The following PCDHA1 variants were observed in gnomAD, a reference collection of about 807,000 sequenced individuals.
PCDHA1 encodes protocadherin alpha 1, also known as protocadherin alpha-1.
PCDHA1 carries 42 observed loss-of-function variants against 61.3 expected under a neutral mutation model. That is an observed-to-expected ratio of 0.69 (90% CI 0.54 to 0.89). PCDHA1 has a LOEUF of 0.89. PCDHA1 is among the 40% of genes least tolerant of loss of function. PCDHA1 has a pLI of 0.00. For synonymous variants in PCDHA1, 610 were observed against 553.8 expected (o/e 1.10, Z -1.43); for missense variants, 1,256 against 1,235.3 (o/e 1.02, Z -0.25).
intron 1 of PCDHA1, among the ~76,000 whole-genome samples, chr5:140,889,804 G>A (rs940898112): frequency 1.3e-5 from 2 of 152,112 alleles, no homozygotes; most frequent in African/African-American, 2.4e-5. Context: ...TGGGATTTAT[G>A]AAGTCAGGTC....
intron 3 of PCDHA1, among the ~76,000 whole-genome samples, chr5:140,996,540 T>C (rs2097730922): frequency 1.3e-5 from 2 of 152,218 alleles, no homozygotes. Flanking sequence ...TGTTTTGATA[T>C]TATGCTGTCA....
intron 1 of PCDHA1, chr5:140,866,167 CAT>C (rs1328596564): frequency 7.9e-5 from 12 of 152,072 alleles, no homozygotes; most frequent in African/African-American, 2.9e-4. Flanking sequence ...AATCGTTTAA[CAT>C]GTAAGAAAAG....
chr5:140,846,028 T>C (rs1415683647), intron 1 of PCDHA1, among the ~76,000 whole-genome samples: 1 of 149,754 alleles, frequency 6.7e-6, no homozygotes, highest in Non-Finnish European at 1.5e-5. Flanking sequence ...ATTACGAGTT[T>C]AGGAAAGTCA....
At chr5:140,842,234 C>T (rs2150332362) in intron 1 of PCDHA1, 8 of 1,612,528 alleles carry the variant, frequency 5.0e-6, no homozygotes, top group Admixed American at 1.7e-5. Context: ...AATAGTGATT[C>T]GGGGTAATTT....
At chr5:140,902,560 G>T (rs558432897) in intron 1 of PCDHA1, among the ~76,000 whole-genome samples, 9 of 152,072 alleles carry the variant, frequency 5.9e-5, no homozygotes, top group Non-Finnish European at 1.2e-4. Flanking sequence ...CCAGATTTTT[G>T]AGGGTTTTTA....
At chr5:140,875,830 G>T in intron 1 of PCDHA1, 1 of 1,614,226 alleles carries the variant, frequency 6.2e-7, no homozygotes, top group South Asian at 1.1e-5. Context: ...TTTCCATGTG[G>T]ACGTGGAGGT....
intron 1 of PCDHA1, among the ~76,000 whole-genome samples, chr5:140,855,465 T>G (rs1363813881): frequency 2.0e-5 from 3 of 149,888 alleles, no homozygotes; most frequent in South Asian, 2.1e-4. Context: ...ACCTCACAGA[T>G]AGTTGATGCT....
chr5:140,806,949 T>G, intron 1 of PCDHA1: 1 of 585,050 alleles, frequency 1.7e-6, no homozygotes, highest in Non-Finnish European at 3.0e-6. Flanking sequence ...GTAGAGTGTG[T>G]GGGGGTTTCC....
At chr5:140,880,493 T>C (rs910431574) in intron 1 of PCDHA1, among the ~76,000 whole-genome samples, 31 of 152,204 alleles carry the variant, frequency 2.0e-4, no homozygotes, top group African/African-American at 7.2e-4. Context: ...AAGAGAGCAA[T>C]TGAATTTCTG....
intron 1 of PCDHA1, chr5:140,968,901 T>A (rs1321022294): frequency 6.2e-7 from 1 of 1,614,106 alleles, no homozygotes; most frequent in Non-Finnish European, 8.5e-7. Flanking sequence ...ATAATAGCAT[T>A]AAGCACAGTG....
intron 1 of PCDHA1, chr5:140,863,494 C>A (rs1203332871): frequency 2.3e-5 from 10 of 442,506 alleles, no homozygotes; most frequent in African/African-American, 1.6e-4. Context: ...GTCAACATTA[C>A]GGCTTTTAGT....
In PCDHA1 at chr5:140,959,152, A is replaced by C. The variant is rs182353196; in HGVS notation, c.2395-19797A>C. 1.3e-4 allele frequency among the ~76,000 whole-genome samples: 20 copies of C among 152,108 alleles called. No individual in the cohort carries two copies. The East Asian group carries it at 3.9e-3, about 30-fold the overall frequency. ...CCCACTTTGGGAGGCCAAAGTGGGC[A>C]GATTGCTTGACCCCAGGAGTTCAGG... On this transcript the variant is annotated intron_variant, in intron 1 of 3. Coordinates refer to ENST00000504120, the MANE Select transcript of PCDHA1 (RefSeq NM_018900.4).
chr5:140,836,708 C>T (rs1774690824), intron 1 of PCDHA1: 1 of 1,613,072 alleles, frequency 6.2e-7, no homozygotes, highest in Non-Finnish European at 8.5e-7. Flanking sequence ...TCAGTCCCAG[C>T]CTTCCTCAGG....
rs77308266 is a variant in PCDHA1 at position 140,916,313 on chromosome 5, A to C, written c.2395-62636A>C. On this transcript the variant is annotated intron_variant, in intron 1 of 3. Transcript: ENST00000504120. ...GCCAAACTGGTACCAAAGGTGCAAG[A>C]CAAAGTCCCCTTTACTTTTTCCTCT... Among the ~76,000 whole-genome samples the C allele has an allele frequency of 8.0e-3, 1,216 of 152,336 alleles. 6 individuals are homozygous for C. The highest frequency in any genetic ancestry group is 0.019 in the African/African-American group (784 of 41,584).
At chr5:141,002,184 T>A (rs1554258557) in intron 3 of PCDHA1, among the ~76,000 whole-genome samples, 1 of 152,218 alleles carries the variant, frequency 6.6e-6, no homozygotes, top group East Asian at 1.9e-4. Flanking sequence ...CAGAGTGCTG[T>A]CTGGCAAGAT....
chr5:140,849,995 C>A lies in PCDHA1; in HGVS notation c.2394+61311C>A, dbSNP rs2150462177. ...ACTCGCTGGTGGAGCGGCGGTTGGG[C>A]GAGCGCTCGCTGTCGAGCTACGTGT... On this transcript the variant is annotated intron_variant, in intron 1 of 3. Transcript: ENST00000504120. 5.0e-6 allele frequency: 8 copies of A among 1,597,088 alleles called. 1 individual carries two copies. The East Asian group carries it at 1.3e-4, about 27-fold the overall frequency.
intron 1 of PCDHA1, among the ~76,000 whole-genome samples, chr5:140,888,737 A>G (rs1468383652): frequency 6.6e-6 from 1 of 152,036 alleles, no homozygotes; most frequent in Non-Finnish European, 1.5e-5. Flanking sequence ...TGTGAGCTCT[A>G]GGAATTATTC....
intron 3 of PCDHA1, among the ~76,000 whole-genome samples, chr5:140,985,796 G>GTGC (rs1245486198): frequency 7.1e-6 from 1 of 140,828 alleles, no homozygotes; most frequent in Non-Finnish European, 1.5e-5. Flanking sequence ...CTGGAGTGCA[G>GTGC]TGGCACGATC....
intron 1 of PCDHA1, chr5:140,854,171 A>AAAAAC (rs2043016661): frequency 1.5e-5 from 10 of 677,894 alleles, no homozygotes; most frequent in Non-Finnish European, 1.8e-5. Context: ...AAAAAAAAAA[A>AAAAAC]AAAAAGAGTA....
Sources: gnomAD v4.1 joint callset for allele counts (sites outside exome capture counted in the v4.1 genomes callset) on GRCh38, gnomAD v4.1.1 for gene constraint, MANE v1.5 for transcripts, NCBI Gene and HGNC (gene_info 2026-07-23, HGNC 2026-07-21) for gene names.